Variants in RAPGEF5 observed in about 807,000 individuals in gnomAD.
RAPGEF5 encodes the protein M-Ras-regulated GEF.
A neutral mutation model predicts 125.2 loss-of-function variants in RAPGEF5; 65 were observed. That is an observed-to-expected ratio of 0.52 (90% CI 0.43 to 0.64). The LOEUF (loss-of-function observed/expected upper bound fraction) is 0.64. Ranked by LOEUF, RAPGEF5 falls within the 30% of genes least tolerant of loss-of-function variation. RAPGEF5 has a pLI of 0.00. For missense variants in RAPGEF5, 958 were observed against 1,048.1 expected, an observed-to-expected ratio of 0.91 and a Z score of 1.19; for synonymous variants, 391 against 385.9, an observed-to-expected ratio of 1.01 and a Z score of -0.16.
chr7:22,329,332 G>A lies in RAPGEF5; in HGVS notation c.232-11295C>T, dbSNP rs547943009. Among the ~76,000 whole-genome samples, 686 of 152,212 alleles carry A rather than the reference G, an allele frequency of 4.5e-3. 1 individual carries two copies. Among genetic ancestry groups the A allele is most frequent in the Non-Finnish European group, 8.1e-3 (549 of 68,008 alleles). On this transcript the variant is annotated intron_variant, in intron 1 of 25. Coordinates refer to ENST00000665637, the MANE Select transcript of RAPGEF5 (RefSeq NM_012294.5). ...TCTGTTTCTAGATGAAAGATCTAAA[G>A]TTAATAAAGTGTCCTCCACTCCAAA... is the stretch of plus-strand genomic sequence containing the variant.
At chr7:22,220,117 A>G (rs986796116) in intron 8 of RAPGEF5, 126 bp from the exon 9 acceptor site, 6 of 1,273,850 alleles carry the variant, frequency 4.7e-6, no homozygotes, top group East Asian at 5.1e-5. Context: ...TGGTCTTGGT[A>G]AAATATTTTG....
chr7:22,201,460 C>T (rs376773824), intron 9 of RAPGEF5, among the ~76,000 whole-genome samples: 7 of 152,204 alleles, frequency 4.6e-5, no homozygotes, highest in African/African-American at 1.2e-4. Flanking sequence ...TTTCCAGAGA[C>T]GCTTGTGTTA....
intron 11 of RAPGEF5, among the ~76,000 whole-genome samples, chr7:22,176,332 A>G (rs1186602582): frequency 1.3e-5 from 2 of 152,132 alleles, no homozygotes; most frequent in Admixed American, 6.5e-5. Context: ...CAGCCAAACC[A>G]TATCAGTTGG....
At chr7:22,269,179 A>C (rs1477483066) in intron 6 of RAPGEF5, among the ~76,000 whole-genome samples, 3 of 127,484 alleles carry the variant, frequency 2.4e-5, no homozygotes, top group Non-Finnish European at 4.8e-5. Context: ...AAAGTTTTTG[A>C]CAAAAAAAAA....
intron 17 of RAPGEF5, among the ~76,000 whole-genome samples, chr7:22,153,632 C>T (rs1783704076): frequency 6.6e-6 from 1 of 152,164 alleles, no homozygotes; most frequent in South Asian, 2.1e-4. Context: ...AGAATGATAA[C>T]AAAGGGTAAA....
chr7:22,222,845 TGTGCTAGTG>T (rs1785826016), intron 8 of RAPGEF5, among the ~76,000 whole-genome samples: 1 of 152,128 alleles, frequency 6.6e-6, no homozygotes, highest in Non-Finnish European at 1.5e-5. Flanking sequence ...GCTTGGAACT[TGTGCTAGTG>T]GTGAAGGTGG....
chr7:22,348,199 T>C (rs979779816), intron 1 of RAPGEF5, among the ~76,000 whole-genome samples: 6 of 152,300 alleles, frequency 3.9e-5, no homozygotes, highest in African/African-American at 1.4e-4. Context: ...GTGCTATCTT[T>C]TGATTCTCAA....
chr7:22,311,508 T>A (rs1783471026), intron 3 of RAPGEF5, among the ~76,000 whole-genome samples: 1 of 152,192 alleles, frequency 6.6e-6, no homozygotes, highest in Non-Finnish European at 1.5e-5. Context: ...CCATGGATGC[T>A]ACATTTTCTG....
At chr7:22,148,727 C>G (rs1783523224) in intron 18 of RAPGEF5, among the ~76,000 whole-genome samples, 1 of 152,100 alleles carries the variant, frequency 6.6e-6, no homozygotes, top group Non-Finnish European at 1.5e-5. Context: ...CTGAAGGTGG[C>G]CTTGGACAGT....
intron 11 of RAPGEF5, among the ~76,000 whole-genome samples, chr7:22,172,472 T>C (rs951809940): frequency 1.3e-5 from 2 of 152,152 alleles, no homozygotes; most frequent in African/African-American, 4.8e-5. Flanking sequence ...TTTTATTTAA[T>C]TTTATTTGAA....
At chr7:22,195,345 C>T (rs1316184214) in intron 9 of RAPGEF5, among the ~76,000 whole-genome samples, 1 of 152,180 alleles carries the variant, frequency 6.6e-6, no homozygotes, top group African/African-American at 2.4e-5. Flanking sequence ...ACTTTACCTC[C>T]TGGTATTCTG....
intron 6 of RAPGEF5, 66 bp from the exon 7 acceptor site, chr7:22,267,078 T>C: frequency 6.8e-7 from 1 of 1,462,962 alleles, no homozygotes; most frequent in Admixed American, 1.8e-5. Flanking sequence ...AAAGCAGTAC[T>C]TTGTTCTTAG....
chr7:22,282,163 A>C (rs1031665446), intron 6 of RAPGEF5, among the ~76,000 whole-genome samples: 2 of 152,148 alleles, frequency 1.3e-5, no homozygotes, highest in African/African-American at 4.8e-5. Flanking sequence ...ATGACTTTTT[A>C]CTTTGACCTC....
At chr7:22,205,044 A>T (rs1255469729) in intron 9 of RAPGEF5, among the ~76,000 whole-genome samples, 2 of 152,190 alleles carry the variant, frequency 1.3e-5, no homozygotes, top group African/African-American at 4.8e-5. Context: ...GTGAGGAATT[A>T]ATATTAAAGT....
intron 7 of RAPGEF5, among the ~76,000 whole-genome samples, chr7:22,247,911 G>A (rs1786519934): frequency 6.6e-6 from 1 of 152,088 alleles, no homozygotes; most frequent in Admixed American, 6.6e-5. Flanking sequence ...CTTATAAGTG[G>A]GAGCTAAACA....
At chr7:22,306,357 T>G (rs988847200) in intron 5 of RAPGEF5, among the ~76,000 whole-genome samples, 1 of 152,206 alleles carries the variant, frequency 6.6e-6, no homozygotes, top group African/African-American at 2.4e-5. Flanking sequence ...TGTTTGTCAT[T>G]TGTATGTCTT....
chr7:22,191,463 C>G, intron 11 of RAPGEF5: 1 of 430,088 alleles, frequency 2.3e-6, no homozygotes, highest in South Asian at 1.6e-5. Flanking sequence ...TCTAAAGTTT[C>G]ATTTGTGTCC....
intron 24 of RAPGEF5, among the ~76,000 whole-genome samples, chr7:22,129,962 G>T (rs1360783182): frequency 1.3e-5 from 2 of 152,152 alleles, no homozygotes; most frequent in African/African-American, 4.8e-5. Context: ...GCAAAGGTCA[G>T]GTGCCAAGCC....
Position 22,230,857 on chromosome 7 carries a change from G to A in RAPGEF5, c.859C>T (p.Pro287Ser). Residue 287 changes from proline (P) to serine (S), a missense_variant, in exon 8 of 26, where the codon CCA becomes TCA. Coordinates refer to ENST00000665637, the MANE Select transcript of RAPGEF5 (RefSeq NM_012294.5). ...AGAATTGATCATACCTGAGAATCTG[G>A]AACACTTTCGGCTTCTGTTACAGCT... is the stretch of plus-strand genomic sequence containing the variant. The part of the protein sequence containing the change: ...HVAVTEAESV[P>S]DSQAGVMCKL... 1 of 1,566,402 alleles carries A rather than the reference G, an allele frequency of 6.4e-7. No homozygotes were observed. The highest frequency in any genetic ancestry group is 8.7e-7 in the Non-Finnish European group (1 of 1,153,510).
Sources: allele counts gnomAD v4.1 joint callset (sites outside exome capture counted in the v4.1 genomes callset), GRCh38; gene constraint gnomAD v4.1.1; transcripts MANE v1.5; gene names NCBI Gene and HGNC (gene_info 2026-07-23, HGNC 2026-07-21).